Variants in LIMK1 observed in about 807,000 individuals in gnomAD.
LIMK1 encodes LIM domain kinase 1.
A neutral mutation model predicts 77.6 loss-of-function variants in LIMK1; 21 were observed. The observed-to-expected ratio is 0.27, with a 90% CI of 0.19 to 0.39. The LOEUF is 0.39. Ranked by LOEUF, LIMK1 falls within the 10% of genes least tolerant of loss-of-function variation. The pLI, the probability that LIMK1 is intolerant of heterozygous loss-of-function variation, is 1.00. For synonymous variants in LIMK1, 358 were observed against 370.0 expected (o/e 0.97, Z 0.37); for missense variants, 696 against 901.6 (o/e 0.77, Z 2.92).
intron 5 of LIMK1, among the ~76,000 whole-genome samples, chr7:74,101,153 A>C (rs1799452158): frequency 6.6e-6 from 1 of 152,168 alleles, no homozygotes; most frequent in Non-Finnish European, 1.5e-5. Flanking sequence ...AGAAAATTAT[A>C]CTGGGCTTGA....
intron 9 of LIMK1, 93 bp downstream of exon 9, chr7:74,108,050 C>A: frequency 1.1e-6 from 1 of 918,592 alleles, no homozygotes; most frequent in Non-Finnish European, 1.7e-6. Flanking sequence ...CTCTGGGAAC[C>A]ATTGAAAGAA....
chr7:74,100,223 C>A (rs576038379), intron 5 of LIMK1, among the ~76,000 whole-genome samples: 93 of 152,154 alleles, frequency 6.1e-4, no homozygotes, highest in South Asian at 4.2e-4. Context: ...GGCAATGGAG[C>A]AAAACCCTGT....
chr7:74,121,511 A>C lies in LIMK1; in HGVS notation c.*210A>C. 3.6e-6 allele frequency: 2 copies of C among 553,322 alleles called. No individual in the cohort carries two copies. Among genetic ancestry groups the C allele is most frequent in the South Asian group, 2.6e-5 (1 of 39,004 alleles). The allele number at this position is 553,322 out of a possible 1,614,324, so 34.3% of individuals were successfully genotyped here. A position where few individuals can be genotyped will look rare whatever the true frequency, so the allele number is the denominator to read the frequency against. On this transcript the variant is annotated 3_prime_UTR_variant, in exon 16 of 16. Transcript: ENST00000336180. ...GCCGGCCCAGCTGCACACACACACC[A>C]TGCTCTCGCCCTGCTGTAACCTCTG... is the stretch of plus-strand genomic sequence containing the variant.
chr7:74,113,181 A>G (rs782740941), intron 12 of LIMK1, among the ~76,000 whole-genome samples: 1 of 151,892 alleles, frequency 6.6e-6, no homozygotes, highest in Non-Finnish European at 1.5e-5. Context: ...CGGAATAGCC[A>G]GCCGTGGTGG....
At chr7:74,094,493 C>T (rs1166314552) in intron 2 of LIMK1, among the ~76,000 whole-genome samples, 3 of 152,026 alleles carry the variant, frequency 2.0e-5, no homozygotes, top group African/African-American at 7.2e-5. Flanking sequence ...CTGCTTCCTG[C>T]AGGCAGGAGT....
In LIMK1 at chr7:74,084,011, T is replaced by A; in HGVS notation, c.21T>A (p.Cys7Ter). The A allele has an allele frequency of 6.8e-7, 1 of 1,479,164 alleles. No individual in the cohort carries two copies. The highest frequency in any genetic ancestry group is 9.0e-7 in the Non-Finnish European group (1 of 1,107,582). 91.6% of individuals were successfully genotyped at this position (1,479,164 alleles called of 1,614,324 possible). Reference sequence around the variant, plus strand: ...AGTGCATGAGGTTGACGCTACTTTGTTGCACCTGGAGGGAAGAACGTATGG... The same window carrying A: ...AGTGCATGAGGTTGACGCTACTTTGATGCACCTGGAGGGAAGAACGTATGG... MRLTLL[C>*]CTWREERMGE... Residue 7 changes from cysteine (C) to a stop codon, truncating the protein, a stop_gained, in exon 1 of 16, where the codon TGT (cysteine) becomes TGA (stop). Transcript: ENST00000336180. LOFTEE classifies it high-confidence loss of function.
At chr7:74,091,954 CTTTTTTTT>C (rs35254348) in intron 2 of LIMK1, among the ~76,000 whole-genome samples, 4 of 80,624 alleles carry the variant, frequency 5.0e-5, no homozygotes, top group African/African-American at 2.0e-4. Context: ...GGCTGTACAG[CTTTTTTTT>C]TTTTTTTTTT....
In LIMK1 at chr7:74,095,968, C is replaced by CTTTTTTTTTTTTTTTTTTT. The variant is rs869065672; in HGVS notation, c.153-640_153-639insTTTTTTTTTTTTTTTTTTT. ...GGGATTCTCCTCTATTTTTCTTTTT[C>CTTTTTTTTTTTTTTTTTTT]TTTTTTTTTTTTTTGGAGACAGAGT... On this transcript the variant is annotated intron_variant, in intron 2 of 15. Transcript: ENST00000336180. 3.5e-4 allele frequency among the ~76,000 whole-genome samples: 45 copies of CTTTTTTTTTTTTTTTTTTT among 127,222 alleles called. 1 individual carries two copies. The highest frequency in any genetic ancestry group is 6.9e-4 in the African/African-American group (21 of 30,222). 83.5% of individuals were successfully genotyped at this position (127,222 alleles called of 152,430 possible).
At chr7:74,120,078 C>T (rs782568733) in intron 13 of LIMK1, among the ~76,000 whole-genome samples, 3 of 152,154 alleles carry the variant, frequency 2.0e-5, no homozygotes, top group Non-Finnish European at 2.9e-5. Context: ...TCACTCCAGT[C>T]TCCACCCCTG....
At chr7:74,092,579 G>A (rs1221138777) in intron 2 of LIMK1, among the ~76,000 whole-genome samples, 10 of 152,220 alleles carry the variant, frequency 6.6e-5, no homozygotes, top group Non-Finnish European at 1.2e-4. Context: ...ACCAGGCTTG[G>A]ACTGGTCCAG....
intron 11 of LIMK1, 42 bp from the exon 12 acceptor site, chr7:74,111,891 C>T (rs1799706562): frequency 1.3e-6 from 2 of 1,572,476 alleles, no homozygotes; most frequent in Non-Finnish European, 1.7e-6. Flanking sequence ...GCTGGGGTCC[C>T]TCTGCACAGC....
At chr7:74,095,170 C>T (rs1485834743) in intron 2 of LIMK1, among the ~76,000 whole-genome samples, 2 of 152,162 alleles carry the variant, frequency 1.3e-5, no homozygotes, top group Non-Finnish European at 1.5e-5. Context: ...CTTAAGGTCC[C>T]TCATCTCATC....
At chr7:74,084,112 AG>A (rs1199913199) in intron 1 of LIMK1, 67 bp downstream of exon 1, 10 of 890,900 alleles carry the variant, frequency 1.1e-5, no homozygotes, top group Admixed American at 2.9e-5. Context: ...GGGGCACGGG[AG>A]GGGGCCGGGT....
chr7:74,094,732 C>T (rs972032647), intron 2 of LIMK1, among the ~76,000 whole-genome samples: 10 of 152,200 alleles, frequency 6.6e-5, no homozygotes, highest in South Asian at 2.1e-4. Context: ...TTCCGTCCTC[C>T]GCCCCACCCC....
chr7:74,084,638 C>G (rs1391332029), intron 1 of LIMK1, among the ~76,000 whole-genome samples: 1 of 152,182 alleles, frequency 6.6e-6, no homozygotes, highest in East Asian at 1.9e-4. Context: ...TCTCCCTGTC[C>G]GTGCCCCAAA....
intron 2 of LIMK1, chr7:74,093,241 C>T: frequency 6.5e-7 from 1 of 1,535,946 alleles, no homozygotes; most frequent in Non-Finnish European, 8.7e-7. Context: ...CCCAGTGTAG[C>T]CACAGAGGAT....
intron 2 of LIMK1, chr7:74,093,366 G>A: frequency 6.6e-7 from 1 of 1,523,582 alleles, no homozygotes; most frequent in Non-Finnish European, 8.8e-7. Flanking sequence ...AAGGCCTGGG[G>A]CTGGAAGCCG....
chr7:74,087,629 G>A (rs1265434402), intron 2 of LIMK1, among the ~76,000 whole-genome samples: 2 of 151,756 alleles, frequency 1.3e-5, no homozygotes, highest in African/African-American at 4.8e-5. Context: ...TTGTTGTGTC[G>A]CCCAGGCTGG....
Position 74,096,663 on chromosome 7 carries a change from A to G in LIMK1, c.194A>G (p.Glu65Gly). The G allele has an allele frequency of 6.2e-7, 1 of 1,614,020 alleles. No homozygotes were observed. Among genetic ancestry groups the G allele is most frequent in the Non-Finnish European group, 8.5e-7 (1 of 1,179,992 alleles). Residue 65 changes from glutamate to glycine, a missense_variant, in exon 3 of 16, where the codon GAG (glutamate) becomes GGG (glycine). This residue lies in a region of LIMK1 where 252 missense variants were observed against 279.4 expected (regional missense o/e 0.90). Transcript: ENST00000336180. ...CSASLSHQYY[E>G]KDGQLFCKKD... is the part of the protein sequence containing the mutation. The stretch of plus-strand genomic sequence containing the variant: ...GCCTCCCTGTCGCACCAGTACTATG[A>G]GAAGGATGGGCAGCTCTTCTGCAAG...
Sources: allele counts gnomAD v4.1 joint callset (sites outside exome capture counted in the v4.1 genomes callset), GRCh38; gene constraint gnomAD v4.1.1; regional missense constraint gnomAD v4.1.1; transcripts MANE v1.5; gene names NCBI Gene and HGNC (gene_info 2026-07-23, HGNC 2026-07-21).